Variants in URI1 observed in about 807,000 individuals in gnomAD.
URI1 encodes the protein unconventional prefoldin RPB5 interactor 1.
Under a neutral mutation model 60.2 loss-of-function variants are expected in URI1, and 39 were observed. That is an observed-to-expected ratio of 0.65 (90% CI 0.50 to 0.85). The LOEUF (loss-of-function observed/expected upper bound fraction) is 0.85. Ranked by LOEUF, URI1 falls within the 40% of genes least tolerant of loss-of-function variation. URI1 has a pLI of 0.00. For synonymous variants in URI1, 251 were observed against 236.8 expected, an observed-to-expected ratio of 1.06 and a Z score of -0.55; for missense variants, 691 against 665.9, an observed-to-expected ratio of 1.04 and a Z score of -0.42.
intron 4 of URI1, among the ~76,000 whole-genome samples, chr19:29,998,606 T>A (rs1322132930): frequency 6.6e-6 from 1 of 152,196 alleles, no homozygotes; most frequent in Non-Finnish European, 1.5e-5. Flanking sequence ...CTATTTTGTC[T>A]GATACTACTA....
chr19:29,950,128 A>G (rs530390496), intron 1 of URI1, among the ~76,000 whole-genome samples: 1 of 152,352 alleles, frequency 6.6e-6, no homozygotes, highest in South Asian at 2.1e-4. Context: ...TGCCATAAGA[A>G]GAGACAACTT....
upstream of URI1, among the ~76,000 whole-genome samples, chr19:29,940,676 T>C (rs966475782): frequency 6.6e-6 from 1 of 151,932 alleles, no homozygotes; most frequent in African/African-American, 2.4e-5. Flanking sequence ...AGGAAGTCTC[T>C]GTTTGGACGA....
At chr19:30,004,002 G>A (rs937174321) in intron 4 of URI1, among the ~76,000 whole-genome samples, 1 of 151,996 alleles carries the variant, frequency 6.6e-6, no homozygotes, top group Non-Finnish European at 1.5e-5. Flanking sequence ...ATGTGACCAT[G>A]CTCGGATGAA....
chr19:29,971,737 A>G (rs889745084), intron 2 of URI1, among the ~76,000 whole-genome samples: 9 of 150,806 alleles, frequency 6.0e-5, no homozygotes, highest in African/African-American at 7.3e-5. Context: ...GTGCTAATCT[A>G]TAGTTAATAG....
At chr19:29,976,423 G>T (rs73044834) in intron 2 of URI1, among the ~76,000 whole-genome samples, 1 of 152,154 alleles carries the variant, frequency 6.6e-6, no homozygotes, top group Non-Finnish European at 1.5e-5. Flanking sequence ...TGTTGGTTGA[G>T]CCTCTGCCTC....
chr19:29,961,594 C>T (rs923738453), intron 1 of URI1, among the ~76,000 whole-genome samples: 3 of 150,472 alleles, frequency 2.0e-5, no homozygotes, highest in African/African-American at 7.3e-5. Flanking sequence ...TGGGTTGCCT[C>T]TACCTTATGG....
intron 10 of URI1, chr19:30,012,745 T>G (rs1568449356): frequency 5.9e-6 from 3 of 511,722 alleles, no homozygotes; most frequent in Non-Finnish European, 9.3e-6. Context: ...TAACGTTCTA[T>G]TTCAGCAAAA....
intron 1 of URI1, among the ~76,000 whole-genome samples, chr19:29,970,428 T>C (rs2055445009): frequency 6.6e-6 from 1 of 152,098 alleles, no homozygotes; most frequent in Non-Finnish European, 1.5e-5. Context: ...AAATTGTCAT[T>C]CAAAAATAGT....
intron 2 of URI1, among the ~76,000 whole-genome samples, chr19:29,971,703 A>T (rs548605882): frequency 0.016 from 2,421 of 147,044 alleles, 71 homozygotes; most frequent in African/African-American, 0.059. Flanking sequence ...TTTTTTTTTT[A>T]AGAGAGAGCA....
chr19:29,972,964 T>A (rs2055477309), intron 2 of URI1, among the ~76,000 whole-genome samples: 1 of 152,174 alleles, frequency 6.6e-6, no homozygotes, highest in Non-Finnish European at 1.5e-5. Flanking sequence ...TTCCTCTGAA[T>A]CATTTCTGGT....
chr19:29,965,615 C>G (rs945484763), intron 1 of URI1, among the ~76,000 whole-genome samples: 2 of 152,172 alleles, frequency 1.3e-5, no homozygotes, highest in Admixed American at 1.3e-4. Flanking sequence ...GAGCTTTCAG[C>G]CAGAACAGTT....
rs202018051 is a variant in URI1 at position 29,964,459 on chromosome 19, G to GTTTT, written c.118-6733_118-6730dup. On this transcript the variant is annotated intron_variant, in intron 1 of 10. Coordinates refer to ENST00000392271, the MANE Select transcript of URI1 (RefSeq NM_003796.3). ...GTGGTTTCTTTTGTTTTTGTTTTTT[G>GTTTT]TTTTGTTTTTTTTTTTTTTTTTGAG... Among the ~76,000 whole-genome samples the GTTTT allele has an allele frequency of 6.0e-5, 8 of 133,378 alleles. 1 individual carries two copies. Among genetic ancestry groups the GTTTT allele is most frequent in the African/African-American group, 1.1e-4 (4 of 35,458 alleles). The allele number at this position is 133,378 out of a possible 152,430, so 87.5% of individuals were successfully genotyped here.
chr19:29,942,108 C>G (rs2055031708), upstream of URI1: 2 of 552,096 alleles, frequency 3.6e-6, no homozygotes, highest in East Asian at 1.5e-4. Flanking sequence ...CGCAGCCCAG[C>G]GCGGACACCG....
At chr19:29,944,194 A>ATATAT (rs2055074931) in intron 1 of URI1, among the ~76,000 whole-genome samples, 1 of 63,726 alleles carries the variant, frequency 1.6e-5, no homozygotes, top group Non-Finnish European at 3.9e-5. Flanking sequence ...TATATATATA[A>ATATAT]AACTTAACTA....
At chr19:29,996,198 T>TAGTATTGACA (rs1231953703) in intron 4 of URI1, among the ~76,000 whole-genome samples, 6 of 152,132 alleles carry the variant, frequency 3.9e-5, no homozygotes, top group Admixed American at 6.5e-5. Context: ...TTGCCATGGG[T>TAGTATTGACA]AGTATTGACA....
intron 4 of URI1, among the ~76,000 whole-genome samples, chr19:29,993,357 T>C (rs927471835): frequency 3.9e-5 from 6 of 152,198 alleles, no homozygotes; most frequent in African/African-American, 1.4e-4. Flanking sequence ...GCACACTACT[T>C]TCCCTCTACC....
At chr19:29,962,251 C>CT (rs2055335254) in intron 1 of URI1, among the ~76,000 whole-genome samples, 1 of 149,212 alleles carries the variant, frequency 6.7e-6, no homozygotes, top group Non-Finnish European at 1.5e-5. Flanking sequence ...CTTTTATGTT[C>CT]TTTTTTCTCT....
At chr19:29,957,909 G>C (rs926923512) in intron 1 of URI1, 21 of 53,722 alleles carry the variant, frequency 3.9e-4, no homozygotes, top group African/African-American at 1.6e-3. Context: ...TTTTTTTTTT[G>C]CTGGTAACAT....
chr19:30,011,057 G>A (rs372005452), intron 8 of URI1, 37 bp from the exon 9 acceptor site: 8 of 1,587,666 alleles, frequency 5.0e-6, no homozygotes, highest in Non-Finnish European at 6.8e-6. Flanking sequence ...GATTTAATTT[G>A]TCAAAAGATT....
Sources: allele counts gnomAD v4.1 joint callset (sites outside exome capture counted in the v4.1 genomes callset), GRCh38; gene constraint gnomAD v4.1.1; transcripts MANE v1.5; gene names NCBI Gene and HGNC (gene_info 2026-07-23, HGNC 2026-07-21).